Variants in TRAF3IP2 observed in about 807,000 individuals in gnomAD.
TRAF3IP2 encodes the protein E3 ubiquitin ligase TRAF3IP2.
TRAF3IP2 carries 35 observed loss-of-function variants against 57.9 expected under a neutral mutation model. The ratio of observed to expected loss-of-function variants is 0.60; its 90% CI spans 0.46 to 0.80. TRAF3IP2 has a LOEUF of 0.80. Ranked by LOEUF, TRAF3IP2 falls within the 30% of genes least tolerant of loss-of-function variation. The pLI, the probability that TRAF3IP2 is intolerant of heterozygous loss-of-function variation, is 0.00. For missense variants in TRAF3IP2, 556 were observed against 706.4 expected (o/e 0.79, Z 2.41); for synonymous variants, 251 against 268.9 (o/e 0.93, Z 0.65).
At position 111,575,681 on chromosome 6, in the gene TRAF3IP2, C is replaced by G; in HGVS notation, c.1163G>C (p.Arg388Thr). 2 of 1,613,136 alleles carry G rather than the reference C, an allele frequency of 1.2e-6. No homozygotes were observed. Among genetic ancestry groups the G allele is most frequent in the Non-Finnish European group, 1.7e-6 (2 of 1,179,798 alleles). ...CAAATTGCTTGTTTTTAGAGTTCCT[C>G]TGGCTGGAGGGTTGCTAGGGGGTCT... is the stretch of plus-strand genomic sequence containing the variant. Reference protein sequence around the residue: ...VPRPPSNPPARGTLKTSNLPE... With the variant: ...VPRPPSNPPATGTLKTSNLPE... Residue 388 changes from arginine (R) to threonine (T), a missense_variant, in exon 4 of 9, where the codon AGA (arginine) becomes ACA (threonine). This residue lies in a region of TRAF3IP2 where 428 missense variants were observed against 498.7 expected (regional missense o/e 0.86). Transcript: ENST00000368761.
Position 111,591,631 on chromosome 6 carries a change from A to C in TRAF3IP2, c.456T>G (p.Thr152=). The change falls in exon 2 of 9, where the codon ACT becomes ACG. Residue 152 remains threonine, a synonymous_variant. Coordinates refer to ENST00000368761, the MANE Select transcript of TRAF3IP2 (RefSeq NM_147686.4). The surrounding 1 kb of genome is among the most constrained non-coding windows in gnomAD (Gnocchi z 4.9). ...GGTCTGATTTGTCTGAGTCATGGCCAGTGTCAGGAGAAGCCGCTGAAAGCT... is the reference window on the plus strand; with the variant it reads ...GGTCTGATTTGTCTGAGTCATGGCCCGTGTCAGGAGAAGCCGCTGAAAGCT... ...VSQLSAASPD[T]GHDSDKSDQS... The C allele has an allele frequency of 1.1e-5, 17 of 1,614,250 alleles. No homozygotes were observed. Among genetic ancestry groups the C allele is most frequent in the Non-Finnish European group, 1.4e-5 (17 of 1,180,038 alleles).
intron 1 of TRAF3IP2, among the ~76,000 whole-genome samples, chr6:111,599,257 C>T (rs1796786798): frequency 6.6e-6 from 1 of 152,040 alleles, no homozygotes; most frequent in South Asian, 2.1e-4. Context: ...GGACTGTGAG[C>T]TGTGGTTCTA....
chr6:111,561,819 G>A (rs916709522), intron 8 of TRAF3IP2, among the ~76,000 whole-genome samples: 3 of 152,304 alleles, frequency 2.0e-5, no homozygotes, highest in Middle Eastern at 3.4e-3. Flanking sequence ...TGATGGCAGA[G>A]GAGAGGATGG....
chr6:111,575,374 G>C (rs187790575), intron 4 of TRAF3IP2, among the ~76,000 whole-genome samples: 2 of 151,852 alleles, frequency 1.3e-5, no homozygotes, highest in African/African-American at 4.8e-5. Flanking sequence ...GGATCACGAG[G>C]TGAAGAGATC....
intron 1 of TRAF3IP2, chr6:111,601,598 C>T (rs548571481): frequency 6.0e-6 from 1 of 167,584 alleles, no homozygotes; most frequent in Admixed American, 6.1e-5. Context: ...ATTAACAGCT[C>T]CTCCATAATC....
chr6:111,597,751 T>A, intron 1 of TRAF3IP2: 1 of 439,408 alleles, frequency 2.3e-6, no homozygotes, highest in Admixed American at 2.5e-5. Flanking sequence ...TGGGGACATA[T>A]AACTGGATGG....
At position 111,575,682 on chromosome 6, in the gene TRAF3IP2, T is replaced by G. The variant is rs551559794; in HGVS notation, c.1162A>C (p.Arg388=). Residue 388 remains arginine, a synonymous_variant, in exon 4 of 9, where the codon AGA becomes CGA. Coordinates refer to ENST00000368761, the MANE Select transcript of TRAF3IP2 (RefSeq NM_147686.4). The stretch of plus-strand genomic sequence containing the variant: ...AAATTGCTTGTTTTTAGAGTTCCTC[T>G]GGCTGGAGGGTTGCTAGGGGGTCTA... ...VPRPPSNPPA[R]GTLKTSNLPE... The G allele has an allele frequency of 2.5e-6, 4 of 1,613,202 alleles. No homozygotes were observed. In the African/African-American group the frequency reaches 5.3e-5, roughly 22 times the overall value.
intron 3 of TRAF3IP2, chr6:111,576,822 G>C (rs181332233): frequency 6.6e-6 from 1 of 152,172 alleles, no homozygotes; most frequent in Non-Finnish European, 1.5e-5. Flanking sequence ...TGGGAACATG[G>C]ATGTTGTTAT....
chr6:111,578,600 G>A (rs1382037294), intron 3 of TRAF3IP2, among the ~76,000 whole-genome samples: 1 of 152,148 alleles, frequency 6.6e-6, no homozygotes, highest in Non-Finnish European at 1.5e-5. Flanking sequence ...TCGAGATCTC[G>A]CCACTGCACT....
chr6:111,580,148 A>G (rs1562427059), intron 3 of TRAF3IP2, 49 bp downstream of exon 3: 2 of 1,581,554 alleles, frequency 1.3e-6, no homozygotes, highest in South Asian at 2.3e-5. Context: ...CATTGGCATA[A>G]TTCCTTTCCA....
chr6:111,578,556 T>C lies in TRAF3IP2; in HGVS notation c.1022+1641A>G, dbSNP rs1005787833. Among the ~76,000 whole-genome samples, 14 of 152,290 alleles carry C rather than the reference T, an allele frequency of 9.2e-5. No homozygotes were observed. In the South Asian group the frequency reaches 1.2e-3, roughly 14 times the overall value. On this transcript the variant is annotated intron_variant, in intron 3 of 8. Coordinates refer to ENST00000368761, the MANE Select transcript of TRAF3IP2 (RefSeq NM_147686.4). The stretch of plus-strand genomic sequence containing the variant: ...CTCTTGGGAGGCTGAGGTTGGAAGA[T>C]GGCTTGAGTGCAGGAGGCGAAGGTT...
intron 1 of TRAF3IP2, among the ~76,000 whole-genome samples, chr6:111,594,174 T>C (rs1017634785): frequency 3.9e-5 from 6 of 151,956 alleles, no homozygotes; most frequent in Admixed American, 3.3e-4. Context: ...CTTTCTTTCT[T>C]GCAATTTTTC....
chr6:111,595,454 C>T (rs999126113), intron 1 of TRAF3IP2, among the ~76,000 whole-genome samples: 1 of 152,182 alleles, frequency 6.6e-6, no homozygotes, highest in African/African-American at 2.4e-5. Flanking sequence ...TGCTGTGTAT[C>T]CCCCTTCTGA....
At chr6:111,578,443 C>A (rs1459922977) in intron 3 of TRAF3IP2, among the ~76,000 whole-genome samples, 1 of 152,006 alleles carries the variant, frequency 6.6e-6, no homozygotes, top group Non-Finnish European at 1.5e-5. Flanking sequence ...GAGTTTGAAA[C>A]CAGCCTGGGC....
chr6:111,596,617 C>T (rs1796699287), intron 1 of TRAF3IP2, among the ~76,000 whole-genome samples: 1 of 152,186 alleles, frequency 6.6e-6, no homozygotes, highest in East Asian at 1.9e-4. Flanking sequence ...CTGCGTCTGG[C>T]TAATTTTTGT....
At chr6:111,561,242 C>A (rs1795429888) in intron 8 of TRAF3IP2, among the ~76,000 whole-genome samples, 1 of 150,700 alleles carries the variant, frequency 6.6e-6, no homozygotes, top group African/African-American at 2.4e-5. Flanking sequence ...GAGAACAAGA[C>A]CATCCTGGCC....
intron 8 of TRAF3IP2, 119 bp from the exon 9 acceptor site, chr6:111,559,670 TC>T: frequency 8.4e-7 from 1 of 1,189,266 alleles, no homozygotes; most frequent in Non-Finnish European, 1.2e-6. Flanking sequence ...TACCAAACTA[TC>T]CTGGGAGTTG....
intron 3 of TRAF3IP2, among the ~76,000 whole-genome samples, chr6:111,579,511 T>C (rs765859485): frequency 5.3e-5 from 8 of 152,116 alleles, no homozygotes; most frequent in Admixed American, 3.3e-4. Context: ...GGTGGGTGGA[T>C]CACTTGAGCC....
rs66486925 is a variant in TRAF3IP2 at position 111,585,334 on chromosome 6, C to CAAAA, written c.830-4949_830-4946dup. Among the ~76,000 whole-genome samples, 343 of 146,498 alleles carry CAAAA rather than the reference C, an allele frequency of 2.3e-3. 1 individual carries two copies. The highest frequency in any genetic ancestry group is 7.9e-3 in the African/African-American group (311 of 39,538). The stretch of plus-strand genomic sequence containing the variant: ...TCCCTTCTTTGCTTCCCTCCCAGGC[C>CAAAA]AAAAAAAAAAAAATGGCTTTTCCAA... On this transcript the variant is annotated intron_variant, in intron 2 of 8. Transcript: ENST00000368761.
Sources: gnomAD v4.1 joint callset for allele counts (sites outside exome capture counted in the v4.1 genomes callset) on GRCh38, gnomAD v4.1.1 for gene constraint, gnomAD v4.1.1 regional missense constraint, Gnocchi (gnomAD v3.1) non-coding constraint, MANE v1.5 for transcripts, NCBI Gene and HGNC (gene_info 2026-07-23, HGNC 2026-07-21) for gene names.